SGSM1: variants seen among roughly 807,000 people sequenced by gnomAD.
The protein encoded by SGSM1 is RUN and TBC1 domain containing 2.
In SGSM1, 73 loss-of-function variants were observed where a neutral mutation model predicts 133.8. The observed-to-expected ratio is 0.55, with a 90% CI of 0.45 to 0.66. The LOEUF (loss-of-function observed/expected upper bound fraction) is 0.66, where lower values mean the gene tolerates loss of function less well. Among genes scored for constraint, SGSM1 ranks in the 30% least tolerant of loss-of-function variants. The pLI is 0.00. For synonymous variants in SGSM1, 563 were observed against 573.0 expected, an observed-to-expected ratio of 0.98 and a Z score of 0.25; for missense variants, 1,213 against 1,448.1, an observed-to-expected ratio of 0.84 and a Z score of 2.64.
chr22:24,873,340 A>G (rs1931858253), intron 12 of SGSM1, among the ~76,000 whole-genome samples: 1 of 152,056 alleles, frequency 6.6e-6, no homozygotes, highest in Non-Finnish European at 1.5e-5. Flanking sequence ...TTAGGGCTGA[A>G]TAATTCCTTG....
chr22:24,912,185 C>T (rs1048382774), intron 21 of SGSM1, among the ~76,000 whole-genome samples: 1 of 151,928 alleles, frequency 6.6e-6, no homozygotes, highest in Non-Finnish European at 1.5e-5. Context: ...TGGATGAGAG[C>T]TTGGAACAGA....
In SGSM1 at chr22:24,868,641, C is replaced by G. The variant is rs73393703; in HGVS notation, c.1159-82C>G. 1.1e-4 allele frequency: 178 copies of G among 1,609,258 alleles called. No individual in the cohort carries two copies. The African/African-American group carries it at 2.0e-3, about 18-fold the overall frequency. On this transcript the variant is annotated intron_variant, in intron 11 of 24. Transcript: ENST00000400358. ...TTATGTGGCTATGTGGCCTCATGCG[C>G]TCTCCACTGATACCCTCAGACTAAG...
intron 20 of SGSM1, among the ~76,000 whole-genome samples, chr22:24,903,237 C>T (rs1933227400): frequency 6.7e-6 from 1 of 150,044 alleles, no homozygotes; most frequent in African/African-American, 2.5e-5. Flanking sequence ...GAGATGGAGT[C>T]TCGCTCTGTT....
At chr22:24,872,955 G>A (rs1384151599) in intron 12 of SGSM1, among the ~76,000 whole-genome samples, 1 of 151,422 alleles carries the variant, frequency 6.6e-6, no homozygotes, top group Non-Finnish European at 1.5e-5. Context: ...TTACATATGT[G>A]GCTCAATTGT....
intron 2 of SGSM1, among the ~76,000 whole-genome samples, chr22:24,812,093 CCGGGAGGTGGAGGTGGCAGGGAACT>C: frequency 6.6e-6 from 1 of 151,318 alleles, no homozygotes; most frequent in East Asian, 1.9e-4. Context: ...TCGCTTGAAC[CCGGGAGGTGGAGGTGGCAGGGAACT>C]GAGATGGCGT....
Position 24,884,224 on chromosome 22 carries a change from C to T in SGSM1, c.1641+26C>T, listed in dbSNP as rs369325410. Reference sequence around the variant, plus strand: ...GTAAGGCTTAGCTGGGCTTGGTCTGCAGTGATGCAGAGGCTGCAGGGGGGT... The same window carrying T: ...GTAAGGCTTAGCTGGGCTTGGTCTGTAGTGATGCAGAGGCTGCAGGGGGGT... On this transcript the variant is annotated intron_variant, in intron 15 of 24. Transcript: ENST00000400358. 1.3e-5 allele frequency: 20 copies of T among 1,597,764 alleles called. No individual in the cohort carries two copies. In the African/African-American group the frequency reaches 2.5e-4, roughly 20 times the overall value.
At chr22:24,835,588 A>G (rs1929378556) in intron 2 of SGSM1, among the ~76,000 whole-genome samples, 1 of 152,142 alleles carries the variant, frequency 6.6e-6, no homozygotes, top group African/African-American at 2.4e-5. Flanking sequence ...GGGAGTTGCA[A>G]TTTTAAATAG....
intron 2 of SGSM1, among the ~76,000 whole-genome samples, chr22:24,839,446 T>C (rs1019846575): frequency 2.0e-5 from 3 of 152,222 alleles, no homozygotes; most frequent in African/African-American, 7.2e-5. Flanking sequence ...ATCATAGATA[T>C]TGGTCTGTAG....
chr22:24,911,865 T>C (rs763606713), intron 21 of SGSM1, among the ~76,000 whole-genome samples: 2 of 152,030 alleles, frequency 1.3e-5, no homozygotes, highest in African/African-American at 2.4e-5. Context: ...CCATTCTGGC[T>C]AACACGGTGA....
At chr22:24,812,589 G>A (rs1024145927) in intron 2 of SGSM1, among the ~76,000 whole-genome samples, 1 of 152,206 alleles carries the variant, frequency 6.6e-6, no homozygotes, top group Non-Finnish European at 1.5e-5. Context: ...GTCCCAGCTT[G>A]TGCAGGGCTG....
chr22:24,904,206 A>G (rs1354761736), intron 20 of SGSM1, among the ~76,000 whole-genome samples: 1 of 152,140 alleles, frequency 6.6e-6, no homozygotes, highest in Non-Finnish European at 1.5e-5. Context: ...ACATTTAAAA[A>G]ATGTGTACAT....
In SGSM1 at chr22:24,898,065, G is replaced by A. The variant is rs778812786; in HGVS notation, c.2116G>A (p.Gly706Ser). Reference sequence around the variant, plus strand: ...GATCCCCAATGGGAACCTAGTGAACGGCACTTGTTCCCCAGACTCGGGTCA... The same window carrying A: ...GATCCCCAATGGGAACCTAGTGAACAGCACTTGTTCCCCAGACTCGGGTCA... ...PKIPNGNLVN[G>S]TCSPDSGHPS... The change falls in exon 19 of 25, where the codon GGC (glycine) becomes AGC (serine). Residue 706 changes from glycine (G) to serine (S), a missense_variant. Gly to Ser is a moderately conservative substitution (Grantham distance 56). Coordinates refer to ENST00000400358, the MANE Select transcript of SGSM1 (RefSeq NM_001098497.3). The A allele has an allele frequency of 3.7e-6, 6 of 1,613,812 alleles. No homozygotes were observed. The highest frequency in any genetic ancestry group is 2.2e-5 in the South Asian group (2 of 91,068).
intron 13 of SGSM1, among the ~76,000 whole-genome samples, chr22:24,878,480 G>A (rs371546988): frequency 6.6e-6 from 1 of 152,170 alleles, no homozygotes; most frequent in Non-Finnish European, 1.5e-5. Context: ...ACTGTTTAAT[G>A]TTCCTAACTG....
chr22:24,855,749 C>T, intron 8 of SGSM1, 69 bp downstream of exon 8: 1 of 1,612,080 alleles, frequency 6.2e-7, no homozygotes, highest in Non-Finnish European at 8.5e-7. Context: ...GAAAAGGTCT[C>T]TCTGGCTCCA....
chr22:24,857,918 C>T (rs922533785), intron 8 of SGSM1, among the ~76,000 whole-genome samples: 11 of 152,116 alleles, frequency 7.2e-5, no homozygotes, highest in Admixed American at 6.6e-4. Context: ...GTCCCTGATC[C>T]AGGAGCACAG....
chr22:24,867,200 T>G, intron 10 of SGSM1, 40 bp downstream of exon 10: 1 of 1,588,912 alleles, frequency 6.3e-7, no homozygotes, highest in Non-Finnish European at 8.6e-7. Flanking sequence ...CGTATTCCTC[T>G]TGGATCCCCT....
intron 21 of SGSM1, among the ~76,000 whole-genome samples, chr22:24,908,137 T>TA (rs149860542): frequency 0.015 from 2,287 of 152,138 alleles, 63 homozygotes; most frequent in African/African-American, 0.053. Flanking sequence ...CTTCTCAACT[T>TA]ATGGTGCAAG....
intron 21 of SGSM1, among the ~76,000 whole-genome samples, chr22:24,907,040 A>C (rs1266272340): frequency 6.6e-6 from 1 of 151,930 alleles, no homozygotes. Flanking sequence ...TGGGTGGATC[A>C]CCTGAGGTCA....
intron 20 of SGSM1, among the ~76,000 whole-genome samples, chr22:24,904,577 C>CAAA (rs36019944): frequency 0.39 from 44,024 of 114,270 alleles, 7,522 homozygotes; most frequent in East Asian, 0.64. Context: ...GACTCCGTCT[C>CAAA]AAAAAAAAAA....
Sources: allele counts gnomAD v4.1 joint callset (sites outside exome capture counted in the v4.1 genomes callset), GRCh38; gene constraint gnomAD v4.1.1; transcripts MANE v1.5; gene names NCBI Gene and HGNC (gene_info 2026-07-23, HGNC 2026-07-21).